CTBP1: variants seen among roughly 807,000 people sequenced by gnomAD.
CTBP1 encodes the protein C-terminal binding protein 1, also known as C-terminal-binding protein 1.
In CTBP1, 11 loss-of-function variants were observed where a neutral mutation model predicts 42.1. That is an observed-to-expected ratio of 0.26 (90% CI 0.16 to 0.43). The LOEUF is 0.43. Ranked by LOEUF, CTBP1 falls within the 20% of genes least tolerant of loss-of-function variation. The pLI is 1.00. For synonymous variants in CTBP1, 324 were observed against 277.1 expected, an observed-to-expected ratio of 1.17 and a Z score of -1.68; for missense variants, 399 against 624.3, an observed-to-expected ratio of 0.64 and a Z score of 3.85.
At chr4:1,248,864 G>GCCCCCCC in intron 1 of CTBP1, 52 bp downstream of exon 1, 5 of 334,122 alleles carry the variant, frequency 1.5e-5, no homozygotes, top group Non-Finnish European at 2.0e-5. Context: ...CGCGGCACCC[G>GCCCCCCC]CCCCGCCCCG....
intron 1 of CTBP1, chr4:1,243,968 T>C (rs1470213029): frequency 4.1e-6 from 4 of 984,612 alleles, no homozygotes; most frequent in South Asian, 9.4e-5. Context: ...GTAGAGCACA[T>C]GGAAGCTTGT....
chr4:1,227,778 C>T (rs531026181), intron 4 of CTBP1, among the ~76,000 whole-genome samples: 20 of 152,054 alleles, frequency 1.3e-4, no homozygotes, highest in Admixed American at 7.2e-4. Context: ...CAGGTGCAGA[C>T]GTGTGTGTTC....
At chr4:1,219,614 GAAAT>G (rs773502475) in intron 5 of CTBP1, among the ~76,000 whole-genome samples, 6 of 152,188 alleles carry the variant, frequency 3.9e-5, no homozygotes, top group Non-Finnish European at 8.8e-5. Context: ...AGAAATTAAA[GAAAT>G]AAAAGGTACA....
At chr4:1,244,673 T>A in intron 1 of CTBP1, 2 of 985,338 alleles carry the variant, frequency 2.0e-6, no homozygotes, top group Non-Finnish European at 2.4e-6. Context: ...AAGGGCACCC[T>A]AAGGCTGGGT....
At chr4:1,243,061 C>T in intron 1 of CTBP1, 1 of 985,450 alleles carries the variant, frequency 1.0e-6, no homozygotes, top group Middle Eastern at 5.2e-4. Flanking sequence ...CCGGCTGATA[C>T]TCATTGATAC....
At position 1,221,731 on chromosome 4, in the gene CTBP1, C is replaced by T. The variant is rs79428770; in HGVS notation, c.514+3629G>A. 2,220 of 385,646 alleles carry T rather than the reference C, an allele frequency of 5.8e-3. 19 individuals carry two copies. The highest frequency in any genetic ancestry group is 7.8e-3 in the Non-Finnish European group (1,507 of 193,502). The allele number at this position is 385,646 out of a possible 1,614,324, so 23.9% of individuals were successfully genotyped here. The stretch of plus-strand genomic sequence containing the variant: ...GGTCCTCGCAGGGTCGTCGCGGGGC[C>T]GCCACGGGAGAAGGGGGCCCGAGGG... On this transcript the variant is annotated intron_variant, in intron 5 of 9. Coordinates refer to ENST00000382952, the MANE Select transcript of CTBP1 (RefSeq NM_001012614.2).
intron 1 of CTBP1, among the ~76,000 whole-genome samples, chr4:1,246,168 CGGCCACTG>C (rs1732701058): frequency 7.2e-5 from 11 of 152,170 alleles, no homozygotes; most frequent in Admixed American, 3.9e-4. Flanking sequence ...CAGTGGGCTC[CGGCCACTG>C]CAGCTGACAA....
At chr4:1,244,175 T>G in intron 1 of CTBP1, 1 of 985,186 alleles carries the variant, frequency 1.0e-6, no homozygotes, top group South Asian at 4.7e-5. Context: ...CACATCACCA[T>G]CTGCTTGCCG....
chr4:1,214,769 G>C (rs1032397743), intron 6 of CTBP1, among the ~76,000 whole-genome samples: 1 of 152,198 alleles, frequency 6.6e-6, no homozygotes, highest in African/African-American at 2.4e-5. Flanking sequence ...TCCTGGCTTG[G>C]TCCCCCTGTG....
chr4:1,234,840 G>A (rs926119799), intron 3 of CTBP1: 12 of 152,206 alleles, frequency 7.9e-5, no homozygotes, highest in Non-Finnish European at 1.5e-4. Flanking sequence ...TTCACCCACA[G>A]CCCCTTGCAT....
At chr4:1,248,725 G>A (rs1306171605) in intron 1 of CTBP1, 191 bp downstream of exon 1, 23 of 981,200 alleles carry the variant, frequency 2.3e-5, no homozygotes, top group Non-Finnish European at 2.5e-5. Flanking sequence ...GCCCGCGCAT[G>A]CGCAAGACCC....
chr4:1,242,469 G>A (rs1482127147), intron 1 of CTBP1: 1 of 985,114 alleles, frequency 1.0e-6, no homozygotes, highest in Non-Finnish European at 1.2e-6. Context: ...CCCTGGTAGT[G>A]TGCTGTGAGG....
chr4:1,221,330 C>T (rs938307664), intron 5 of CTBP1: 2 of 152,390 alleles, frequency 1.3e-5, no homozygotes, highest in Non-Finnish European at 2.9e-5. Context: ...ACGCCGCGCC[C>T]CTGCCTGAAG....
At position 1,221,584 on chromosome 4, in the gene CTBP1, AAC is replaced by A. The variant is rs556465588; in HGVS notation, c.514+3774_514+3775del. 705 of 186,708 alleles carry A rather than the reference AAC, an allele frequency of 3.8e-3. 11 individuals are homozygous for A. The highest frequency in any genetic ancestry group is 6.4e-3 in the Non-Finnish European group (554 of 86,890). 11.6% of individuals were successfully genotyped at this position (186,708 alleles called of 1,614,324 possible). Reference sequence around the variant, plus strand: ...ATCAGAAACTGCTGGGTCGTATGAAAACACAGGTGAGACCCAGAGGCATCACC... The same window carrying A: ...ATCAGAAACTGCTGGGTCGTATGAAAACAGGTGAGACCCAGAGGCATCACC... On this transcript the variant is annotated intron_variant, in intron 5 of 9. Coordinates refer to ENST00000382952, the MANE Select transcript of CTBP1 (RefSeq NM_001012614.2).
chr4:1,246,361 C>G (rs944090784), intron 1 of CTBP1, among the ~76,000 whole-genome samples: 7 of 152,334 alleles, frequency 4.6e-5, no homozygotes, highest in Middle Eastern at 3.4e-3. Context: ...TCTACCACCT[C>G]CTGGCCACCC....
At chr4:1,226,423 G>C (rs764947022) in intron 4 of CTBP1, among the ~76,000 whole-genome samples, 1 of 152,234 alleles carries the variant, frequency 6.6e-6, no homozygotes, top group East Asian at 1.9e-4. Context: ...GTGTGGTTCC[G>C]CAAGGGGTCC....
rs761381563 is a variant in CTBP1, at chr4:1,247,071, G to C, written c.-189+1845C>G. Among the ~76,000 whole-genome samples, 3 of 152,278 alleles carry C rather than the reference G, an allele frequency of 2.0e-5. No individual in the cohort carries two copies. In the East Asian group the frequency reaches 5.8e-4, roughly 29 times the overall value. On this transcript the variant is annotated intron_variant, in intron 1 of 9. Coordinates refer to ENST00000382952, the MANE Select transcript of CTBP1 (RefSeq NM_001012614.2). ...ACCAGCCCACAGTCCTGTGCACCCC[G>C]GGCCAAGCCTCTCCTCCCCCACTGC...
At chr4:1,215,827 G>A in intron 6 of CTBP1, 164 bp downstream of exon 6, 1 of 675,044 alleles carries the variant, frequency 1.5e-6, no homozygotes, top group South Asian at 1.9e-5. Flanking sequence ...AACGCTGTCT[G>A]GGCAGACAGG....
intron 1 of CTBP1, chr4:1,242,562 C>G (rs1320431063): frequency 2.7e-5 from 27 of 985,338 alleles, no homozygotes; most frequent in Non-Finnish European, 3.1e-5. Context: ...CCGACCATCT[C>G]CAGCTTCCAG....
Sources: allele counts gnomAD v4.1 joint callset (sites outside exome capture counted in the v4.1 genomes callset), GRCh38; gene constraint gnomAD v4.1.1; transcripts MANE v1.5; gene names NCBI Gene and HGNC (gene_info 2026-07-23, HGNC 2026-07-21).